Variants in MINAR1 observed in about 807,000 individuals in gnomAD.
The protein encoded by MINAR1 is major intrinsically disordered Notch2-binding receptor 1.
Under a neutral mutation model 65.1 loss-of-function variants are expected in MINAR1, and 40 were observed. The observed-to-expected ratio is 0.61, with a 90% confidence interval of 0.48 to 0.80. MINAR1 has a LOEUF of 0.80. Ranked by LOEUF, MINAR1 falls within the 30% of genes least tolerant of loss-of-function variation. MINAR1 has a pLI of 0.00. For missense variants in MINAR1, 1,128 were observed against 1,148.0 expected (o/e 0.98, Z 0.25); for synonymous variants, 482 against 449.1 (o/e 1.07, Z -0.93).
upstream of MINAR1, among the ~76,000 whole-genome samples, chr15:79,429,257 A>T (rs1369937034): frequency 2.0e-5 from 3 of 152,236 alleles, no homozygotes; most frequent in Non-Finnish European, 4.4e-5. Context: ...TCAACCTCCG[A>T]TCCTGTAAGA....
intron 1 of MINAR1, among the ~76,000 whole-genome samples, chr15:79,452,713 T>G (rs867942875): frequency 2.9e-4 from 21 of 71,478 alleles, no homozygotes; most frequent in Non-Finnish European, 5.1e-4. Context: ...GATGAGTGTG[T>G]GGGTGTGGGT....
rs372981174 is a variant in MINAR1 at position 79,456,904 on chromosome 15, T to C, written c.757T>C (p.Cys253Arg). 5.0e-5 allele frequency: 81 copies of C among 1,614,030 alleles called. No individual in the cohort carries two copies. The highest frequency in any genetic ancestry group is 6.8e-5 in the Non-Finnish European group (80 of 1,180,042). The change falls in exon 2 of 4, where the codon TGT becomes CGT. Residue 253 changes from cysteine to arginine, a missense_variant. Physicochemically the swap from Cys to Arg is radical, Grantham distance 180. Coordinates refer to ENST00000305428, the MANE Select transcript of MINAR1 (RefSeq NM_015206.3). Reference protein sequence around the residue: ...SNEEPFVVQSCVQKRNIFKED... With the variant: ...SNEEPFVVQSRVQKRNIFKED... ...TGAGGAGCCATTTGTGGTCCAGTCC[T>C]GTGTCCAGAAAAGGAATATCTTCAA...
At chr15:79,421,255 A>G in the MINAR1 span, 1 of 152,178 alleles carries the variant, frequency 6.6e-6, no homozygotes. Context: ...ACTTACCCTG[A>G]TTTGTGAATT....
Position 79,462,697 on chromosome 15 carries a change from C to T in MINAR1, c.2299-370C>T, listed in dbSNP as rs142454750. ...CAGTAGTTAAACAACGACTCTAAAG[C>T]CAGATGATCAGGTTTAAATCCTAGC... On this transcript the variant is annotated intron_variant, in intron 2 of 3. Coordinates refer to ENST00000305428, the MANE Select transcript of MINAR1 (RefSeq NM_015206.3). 9.8e-3 allele frequency among the ~76,000 whole-genome samples: 1,499 copies of T among 152,290 alleles called. 14 individuals are homozygous for T. Among genetic ancestry groups the T allele is most frequent in the Non-Finnish European group, 0.013 (918 of 68,032 alleles).
upstream of MINAR1, among the ~76,000 whole-genome samples, chr15:79,430,680 C>T (rs575834423): frequency 6.6e-6 from 1 of 152,178 alleles, no homozygotes; most frequent in South Asian, 2.1e-4. Context: ...AAACTTCACT[C>T]CTACTTTACA....
chr15:79,451,682 C>T (rs1483040331), intron 1 of MINAR1, among the ~76,000 whole-genome samples: 3 of 152,220 alleles, frequency 2.0e-5, no homozygotes, highest in Admixed American at 1.3e-4. Context: ...ATGGCTGTTC[C>T]TCAGCAAGGA....
intron 1 of MINAR1, among the ~76,000 whole-genome samples, chr15:79,455,747 A>C (rs772525833): frequency 6.6e-5 from 10 of 152,214 alleles, no homozygotes; most frequent in Non-Finnish European, 1.3e-4. Context: ...AGTCCATTGT[A>C]AGAATGTACA....
the MINAR1 span, chr15:79,418,223 A>G: frequency 5.9e-5 from 9 of 152,384 alleles, no homozygotes; most frequent in East Asian, 1.5e-3. Context: ...ATTGCAGACT[A>G]GAGAGAAATT....
At chr15:79,411,518 G>A in the MINAR1 span, 1 of 701,718 alleles carries the variant, frequency 1.4e-6, no homozygotes, top group Non-Finnish European at 2.6e-6. Context: ...ATTTTCAGCG[G>A]GGAGGCACTG....
the MINAR1 span, chr15:79,424,762 C>T: frequency 6.6e-6 from 1 of 152,278 alleles, no homozygotes; most frequent in African/African-American, 2.4e-5. Context: ...TACTGAGCCC[C>T]TACTGTATTT....
chr15:79,457,671 C>T lies in MINAR1; in HGVS notation c.1524C>T (p.Asp508=), dbSNP rs770555397. 3.0e-5 allele frequency: 48 copies of T among 1,614,144 alleles called. No homozygotes were observed. Among genetic ancestry groups the T allele is most frequent in the Non-Finnish European group, 3.5e-5 (41 of 1,180,014 alleles). Residue 508 remains aspartate, a synonymous_variant, in exon 2 of 4, where the codon GAC becomes GAT. Coordinates refer to ENST00000305428, the MANE Select transcript of MINAR1 (RefSeq NM_015206.3). ...YSDRHTMKHS[D]DDSEIVSDDI... is the part of the protein sequence containing the mutation. ...ACAGGCACACCATGAAGCACTCAGA[C>T]GATGACTCAGAAATTGTCAGCGACG...
At chr15:79,453,834 C>T (rs1380359962) in intron 1 of MINAR1, among the ~76,000 whole-genome samples, 1 of 152,160 alleles carries the variant, frequency 6.6e-6, no homozygotes, top group Non-Finnish European at 1.5e-5. Flanking sequence ...CTGGGATTTC[C>T]TTTGCCATGC....
chr15:79,457,076 G>C lies in MINAR1; in HGVS notation c.929G>C (p.Ser310Thr). 6.2e-7 allele frequency: 1 copy of C among 1,614,160 alleles called. No individual in the cohort carries two copies. Among genetic ancestry groups the C allele is most frequent in the Non-Finnish European group, 8.5e-7 (1 of 1,180,034 alleles). The change falls in exon 2 of 4, where the codon AGC (serine) becomes ACC (threonine). Residue 310 changes from serine (S) to threonine (T), a missense_variant. Transcript: ENST00000305428. ...CACAGCTTTGAAATGCCCTATAACA[G>C]CCAGTACCTGAATCCAGTGTATTCC... ...FNHSFEMPYN[S>T]QYLNPVYSPV...
the MINAR1 span, chr15:79,427,061 A>G: frequency 6.6e-6 from 1 of 152,264 alleles, no homozygotes; most frequent in Admixed American, 6.5e-5. Flanking sequence ...AATGTGGTAC[A>G]TATGCACCAT....
At chr15:79,424,107 G>A in the MINAR1 span, 3 of 152,122 alleles carry the variant, frequency 2.0e-5, no homozygotes, top group African/African-American at 7.2e-5. Flanking sequence ...TGAAGGAGGT[G>A]GTTATTTCAG....
chr15:79,439,699 C>T (rs75161038), intron 1 of MINAR1, among the ~76,000 whole-genome samples: 22,985 of 151,778 alleles, frequency 0.15, 2,176 homozygotes, highest in South Asian at 0.32. Flanking sequence ...CCCCTGCAGG[C>T]ATGGCCAGGG....
intron 1 of MINAR1, among the ~76,000 whole-genome samples, chr15:79,448,373 C>A (rs1895080601): frequency 6.6e-6 from 1 of 152,136 alleles, no homozygotes; most frequent in South Asian, 2.1e-4. Context: ...AGAAAGTGTT[C>A]CCCCTTAAGT....
Position 79,456,515 on chromosome 15 carries a change from G to A in MINAR1, c.368G>A (p.Arg123Lys), listed in dbSNP as rs1354227007. 1 of 1,614,036 alleles carries A rather than the reference G, an allele frequency of 6.2e-7. No individual in the cohort carries two copies. The highest frequency in any genetic ancestry group is 1.3e-5 in the African/African-American group (1 of 75,044). The change falls in exon 2 of 4, where the codon AGG becomes AAG. Residue 123 changes from arginine to lysine, a missense_variant. Arg to Lys is a conservative substitution (Grantham distance 26, BLOSUM62 2). Coordinates refer to ENST00000305428, the MANE Select transcript of MINAR1 (RefSeq NM_015206.3). Reference protein sequence around the residue: ...RKKEASFESCRSDTEICNAAE... With the variant: ...RKKEASFESCKSDTEICNAAE... Reference sequence around the variant, plus strand: ...AAGGAGGCATCCTTTGAATCATGTAGGTCGGACACAGAGATCTGCAATGCA... The same window carrying A: ...AAGGAGGCATCCTTTGAATCATGTAAGTCGGACACAGAGATCTGCAATGCA...
intron 1 of MINAR1, among the ~76,000 whole-genome samples, chr15:79,451,397 G>C (rs758356774): frequency 2.0e-5 from 3 of 152,200 alleles, no homozygotes; most frequent in Non-Finnish European, 4.4e-5. Flanking sequence ...CTGGGACCTG[G>C]CGAGGGACTG....
Sources: allele counts gnomAD v4.1 joint callset (sites outside exome capture counted in the v4.1 genomes callset), GRCh38; gene constraint gnomAD v4.1.1; transcripts MANE v1.5; gene names NCBI Gene and HGNC (gene_info 2026-07-23, HGNC 2026-07-21).